SCAPER: variants seen among roughly 807,000 people sequenced by gnomAD.
SCAPER encodes S-phase cyclin A associated protein in the ER.
Under a neutral mutation model 182.2 loss-of-function variants are expected in SCAPER, and 98 were observed. The observed-to-expected ratio is 0.54, with a 90% CI of 0.46 to 0.64. The LOEUF (loss-of-function observed/expected upper bound fraction) is 0.64, where lower values mean the gene tolerates loss of function less well. Ranked by LOEUF, SCAPER falls within the 30% of genes least tolerant of loss-of-function variation. The pLI is 0.00. For synonymous variants in SCAPER, 605 were observed against 564.6 expected, an observed-to-expected ratio of 1.07 and a Z score of -1.01; for missense variants, 1,432 against 1,690.0, an observed-to-expected ratio of 0.85 and a Z score of 2.68.
intron 2 of SCAPER, among the ~76,000 whole-genome samples, chr15:76,882,960 G>A (rs909155935): frequency 9.9e-5 from 15 of 152,182 alleles, no homozygotes; most frequent in Admixed American, 2.6e-4. Flanking sequence ...CACCGTGCCC[G>A]GCCCTCTCCT....
intron 29 of SCAPER, among the ~76,000 whole-genome samples, chr15:76,358,257 T>A (rs1445475750): frequency 1.3e-5 from 2 of 152,220 alleles, no homozygotes; most frequent in South Asian, 4.1e-4. Context: ...CTATTCCTGA[T>A]CATTCTCTGG....
At chr15:76,850,107 A>T (rs1352361543) in intron 4 of SCAPER, among the ~76,000 whole-genome samples, 1 of 152,256 alleles carries the variant, frequency 6.6e-6, no homozygotes, top group East Asian at 1.9e-4. Flanking sequence ...GTGGGGACAC[A>T]GAGCCAAACC....
At chr15:76,720,614 C>G (rs1041435780) in intron 17 of SCAPER, among the ~76,000 whole-genome samples, 1 of 152,014 alleles carries the variant, frequency 6.6e-6, no homozygotes, top group Non-Finnish European at 1.5e-5. Context: ...TTTTAATGAT[C>G]GCCATTCTAA....
intron 25 of SCAPER, among the ~76,000 whole-genome samples, chr15:76,469,356 G>C (rs575824566): frequency 6.6e-6 from 1 of 152,110 alleles, no homozygotes; most frequent in Non-Finnish European, 1.5e-5. Flanking sequence ...TGCAAAAATA[G>C]AGCATTCCTT....
intron 26 of SCAPER, among the ~76,000 whole-genome samples, chr15:76,407,968 A>C (rs1290919542): frequency 2.0e-5 from 3 of 152,208 alleles, no homozygotes; most frequent in African/African-American, 4.8e-5. Flanking sequence ...CTCTAAAAAA[A>C]ATCACTTAAA....
chr15:76,449,593 T>C (rs2048233410), intron 25 of SCAPER, among the ~76,000 whole-genome samples: 1 of 152,238 alleles, frequency 6.6e-6, no homozygotes, highest in Non-Finnish European at 1.5e-5. Flanking sequence ...TTACAGCTCT[T>C]GATATTCTAT....
At chr15:76,660,194 C>T (rs1456322600) in intron 21 of SCAPER, among the ~76,000 whole-genome samples, 1 of 152,046 alleles carries the variant, frequency 6.6e-6, no homozygotes, top group Non-Finnish European at 1.5e-5. Context: ...ACTGAATACA[C>T]ATGGATACAA....
At chr15:76,701,690 C>G (rs2058959298) in intron 20 of SCAPER, 68 bp downstream of exon 20, 16 of 1,220,452 alleles carry the variant, frequency 1.3e-5, no homozygotes, top group Non-Finnish European at 1.5e-5. Flanking sequence ...ACACGGAATT[C>G]TTTATAATAA....
At chr15:76,411,682 A>G (rs2045300284) in intron 26 of SCAPER, among the ~76,000 whole-genome samples, 1 of 152,138 alleles carries the variant, frequency 6.6e-6, no homozygotes, top group Admixed American at 6.5e-5. Flanking sequence ...ATGTGTTTAA[A>G]TTTACAAATT....
In SCAPER at chr15:76,603,117, G is replaced by A. The variant is rs1487033471; in HGVS notation, c.2711+18647C>T. Among the ~76,000 whole-genome samples, 4 of 117,198 alleles carry A rather than the reference G, an allele frequency of 3.4e-5. 2 individuals are homozygous for A. The highest frequency in any genetic ancestry group is 4.6e-4 in the East Asian group (2 of 4,370). 76.9% of individuals were successfully genotyped at this position (117,198 alleles called of 152,430 possible). ...AGTTACATATGTATACATGTGCCAC[G>A]TTGGTGTGCTGCACCCATTAACTCG... On this transcript the variant is annotated intron_variant, in intron 22 of 31. Coordinates refer to ENST00000563290, the MANE Select transcript of SCAPER (RefSeq NM_020843.4).
intron 2 of SCAPER, among the ~76,000 whole-genome samples, chr15:76,867,814 C>A (rs2072405984): frequency 6.6e-6 from 1 of 152,190 alleles, no homozygotes; most frequent in African/African-American, 2.4e-5. Context: ...TTTCCTGTCA[C>A]AAAGCTAGAC....
intron 29 of SCAPER, among the ~76,000 whole-genome samples, chr15:76,374,767 G>A (rs994644389): frequency 8.6e-5 from 13 of 151,794 alleles, no homozygotes; most frequent in Admixed American, 1.3e-4. Context: ...GATTATAGGC[G>A]TGAACCACTG....
At chr15:76,583,632 A>G (rs925724329) in intron 22 of SCAPER, among the ~76,000 whole-genome samples, 3 of 152,240 alleles carry the variant, frequency 2.0e-5, no homozygotes, top group South Asian at 4.1e-4. Context: ...ACATTTCTCA[A>G]GAGAAGACAT....
chr15:76,682,724 G>A (rs887612512), intron 20 of SCAPER, among the ~76,000 whole-genome samples: 1 of 152,032 alleles, frequency 6.6e-6, no homozygotes, highest in African/African-American at 2.4e-5. Flanking sequence ...AACCTCAAGG[G>A]GCCAGAAAAC....
At chr15:76,739,828 T>G (rs1186685276) in intron 15 of SCAPER, among the ~76,000 whole-genome samples, 1 of 152,120 alleles carries the variant, frequency 6.6e-6, no homozygotes, top group East Asian at 1.9e-4. Flanking sequence ...CAGAATTACT[T>G]AAATTAGAAA....
intron 24 of SCAPER, among the ~76,000 whole-genome samples, chr15:76,474,813 T>C (rs2050491349): frequency 6.6e-6 from 1 of 152,204 alleles, no homozygotes; most frequent in African/African-American, 2.4e-5. Flanking sequence ...TCCAGGTTAG[T>C]AAAGCACAGT....
chr15:76,560,302 C>G (rs1224029648), intron 23 of SCAPER, among the ~76,000 whole-genome samples: 1 of 152,150 alleles, frequency 6.6e-6, no homozygotes, highest in East Asian at 1.9e-4. Context: ...GTTAATAAAA[C>G]CTTGGTGAAC....
At chr15:76,664,166 T>A (rs1198495366) in intron 21 of SCAPER, among the ~76,000 whole-genome samples, 1 of 152,156 alleles carries the variant, frequency 6.6e-6, no homozygotes, top group African/African-American at 2.4e-5. Context: ...AGCGACAGGC[T>A]GTGACTTACA....
At chr15:76,775,722 T>TG (rs1447025759) in intron 8 of SCAPER, among the ~76,000 whole-genome samples, 23 of 152,218 alleles carry the variant, frequency 1.5e-4, no homozygotes, top group African/African-American at 4.8e-4. Flanking sequence ...AGGATAAAAT[T>TG]ATAGGATATT....
Sources: allele counts gnomAD v4.1 joint callset (sites outside exome capture counted in the v4.1 genomes callset), GRCh38; gene constraint gnomAD v4.1.1; transcripts MANE v1.5; gene names NCBI Gene and HGNC (gene_info 2026-07-23, HGNC 2026-07-21).